Variants in ZFYVE27 observed in about 807,000 individuals in gnomAD.
ZFYVE27 encodes zinc finger FYVE-type containing 27.
In ZFYVE27, 36 loss-of-function variants were observed where a neutral mutation model predicts 52.8. The observed-to-expected ratio is 0.68, with a 90% CI of 0.52 to 0.90. The LOEUF (loss-of-function observed/expected upper bound fraction) is 0.90, where lower values mean the gene tolerates loss of function less well. Ranked by LOEUF, ZFYVE27 falls within the 40% of genes least tolerant of loss-of-function variation. ZFYVE27 has a pLI of 0.00. For synonymous variants in ZFYVE27, 223 were observed against 215.6 expected, an observed-to-expected ratio of 1.03 and a Z score of -0.30; for missense variants, 450 against 527.2, an observed-to-expected ratio of 0.85 and a Z score of 1.43.
rs757784115 is a variant in ZFYVE27, at chr10:97,743,166, T to C, written c.268+2T>C. On this transcript the variant is annotated splice_donor_variant, in intron 3 of 12. Coordinates refer to ENST00000684270, the MANE Select transcript of ZFYVE27 (RefSeq NM_001385875.1). LOFTEE classifies it high-confidence loss of function. The stretch of plus-strand genomic sequence containing the variant: ...TCTTGTTCCTCACTTTGAATGAGGG[T>C]AAGAACTGCCTTCAGGGGCCAGTGG... The C allele has an allele frequency of 6.2e-7, 1 of 1,614,180 alleles. No homozygotes were observed. The highest frequency in any genetic ancestry group is 8.5e-7 in the Non-Finnish European group (1 of 1,180,020).
In ZFYVE27 at chr10:97,748,381, C is replaced by T; in HGVS notation, c.551+17C>T. On this transcript the variant is annotated intron_variant, in intron 5 of 12. Coordinates refer to ENST00000684270, the MANE Select transcript of ZFYVE27 (RefSeq NM_001385875.1). ...GTCCTCACAGTGAGTGACCCCTCCTCTCCCGCCACCACCCTATAGGAATTT... is the reference window on the plus strand; with the variant it reads ...GTCCTCACAGTGAGTGACCCCTCCTTTCCCGCCACCACCCTATAGGAATTT... The T allele has an allele frequency of 1.9e-6, 3 of 1,612,150 alleles. No individual in the cohort carries two copies. Among genetic ancestry groups the T allele is most frequent in the Admixed American group, 3.3e-5 (2 of 59,744 alleles).
At chr10:97,752,046 C>T (rs2047128474) in intron 8 of ZFYVE27, among the ~76,000 whole-genome samples, 1 of 152,180 alleles carries the variant, frequency 6.6e-6, no homozygotes, top group South Asian at 2.1e-4. Flanking sequence ...TTTCCAGTTT[C>T]TCTGGTAGTC....
chr10:97,753,198 A>T lies in ZFYVE27; in HGVS notation c.1042+16A>T. ...AACAACTTCGGTGCGGCCAGGGGACAGGGCTGGGCTGGTGGGGGAGTGGGG... is the reference window on the plus strand; with the variant it reads ...AACAACTTCGGTGCGGCCAGGGGACTGGGCTGGGCTGGTGGGGGAGTGGGG... On this transcript the variant is annotated intron_variant, in intron 10 of 12. Coordinates refer to ENST00000684270, the MANE Select transcript of ZFYVE27 (RefSeq NM_001385875.1). The T allele has an allele frequency of 2.5e-6, 4 of 1,604,724 alleles. No individual in the cohort carries two copies. The highest frequency in any genetic ancestry group is 3.4e-6 in the Non-Finnish European group (4 of 1,176,334).
At chr10:97,749,059 T>C (rs921581415) in intron 5 of ZFYVE27, among the ~76,000 whole-genome samples, 3 of 152,182 alleles carry the variant, frequency 2.0e-5, no homozygotes, top group Non-Finnish European at 4.4e-5. Context: ...CTCACTCTTA[T>C]AGTAACTCTA....
In ZFYVE27 at chr10:97,757,280, G is replaced by C; in HGVS notation, c.1058G>C (p.Cys353Ser). The C allele has an allele frequency of 6.2e-7, 1 of 1,614,174 alleles. No individual in the cohort carries two copies. The highest frequency in any genetic ancestry group is 8.5e-7 in the Non-Finnish European group (1 of 1,180,026). The change falls in exon 11 of 13, where the codon TGC (cysteine) becomes TCC (serine). Residue 353 changes from cysteine (C) to serine (S), a missense_variant. Coordinates refer to ENST00000684270, the MANE Select transcript of ZFYVE27 (RefSeq NM_001385875.1). ...PTNNFGNCTG[C>S]SATFSVLKKR... ...TGTTTCTCAGGGAACTGCACGGGCT[G>C]CTCGGCCACCTTCTCAGTGCTGAAG... is the stretch of plus-strand genomic sequence containing the variant.
chr10:97,755,247 G>A (rs527250657), intron 10 of ZFYVE27, among the ~76,000 whole-genome samples: 1 of 152,228 alleles, frequency 6.6e-6, no homozygotes, highest in African/African-American at 2.4e-5. Flanking sequence ...TGCCATGAGG[G>A]CAGGTGTAGC....
chr10:97,749,446 G>A lies in ZFYVE27; in HGVS notation c.552-28G>A, dbSNP rs375823317. ...TCTCCTTCTGCTGTTACGAATTTCT[G>A]ATCTTGTGGTTCTTCCCTGTCATCC... On this transcript the variant is annotated intron_variant, in intron 5 of 12. Transcript: ENST00000684270. 11 of 1,581,266 alleles carry A rather than the reference G, an allele frequency of 7.0e-6. No individual in the cohort carries two copies. In the South Asian group the frequency reaches 8.8e-5, roughly 13 times the overall value.
Position 97,750,578 on chromosome 10 carries a change from C to T in ZFYVE27, c.804+108C>T, listed in dbSNP as rs1022539863. 41 of 1,456,912 alleles carry T rather than the reference C, an allele frequency of 2.8e-5. No homozygotes were observed. The East Asian group carries it at 5.5e-4, about 20-fold the overall frequency. 90.2% of individuals were successfully genotyped at this position (1,456,912 alleles called of 1,614,324 possible). A position where few individuals can be genotyped will look rare whatever the true frequency, so the allele number is the denominator to read the frequency against. On this transcript the variant is annotated intron_variant, in intron 7 of 12. Transcript: ENST00000684270. ...GCCTCTGTTGTAGTTCCTGCTATTT[C>T]CCAGGCCTTAACTCCCCTGAAGTGT...
Position 97,760,817 on chromosome 10 carries a change from G to A in ZFYVE27, c.*1517G>A, listed in dbSNP as rs41290466. On this transcript the variant is annotated 3_prime_UTR_variant, in exon 13 of 13. Coordinates refer to ENST00000684270, the MANE Select transcript of ZFYVE27 (RefSeq NM_001385875.1). ...TTAAGAGAGGAGAGTTCAGTACCCC[G>A]TGCTTTCTTTACACTGGAGAGGAAC... The A allele has an allele frequency of 6.6e-6, 1 of 152,244 alleles. No homozygotes were observed. The highest frequency in any genetic ancestry group is 2.1e-4 in the South Asian group (1 of 4,830). 9.4% of individuals were successfully genotyped at this position (152,244 alleles called of 1,614,324 possible).
Position 97,746,047 on chromosome 10 carries a change from ATATATTTTT to A in ZFYVE27, c.455+1134_455+1142del, listed in dbSNP as rs1190901776. ...TATACACATATATATATATATATATATATATTTTTTTTTTTTTTTGAGACAGAGTCTTGT... is the reference window on the plus strand; with the variant it reads ...TATACACATATATATATATATATATATTTTTTTTTTGAGACAGAGTCTTGT... On this transcript the variant is annotated intron_variant, in intron 4 of 12. Coordinates refer to ENST00000684270, the MANE Select transcript of ZFYVE27 (RefSeq NM_001385875.1). Among the ~76,000 whole-genome samples, 112 of 66,540 alleles carry A rather than the reference ATATATTTTT, an allele frequency of 1.7e-3. 1 individual carries two copies. The highest frequency in any genetic ancestry group is 5.3e-3 in the African/African-American group (108 of 20,348). 43.7% of individuals were successfully genotyped at this position (66,540 alleles called of 152,430 possible).
chr10:97,739,805 C>A (rs1014065610), intron 2 of ZFYVE27, among the ~76,000 whole-genome samples: 2 of 151,790 alleles, frequency 1.3e-5, no homozygotes, highest in Admixed American at 6.6e-5. Context: ...AATTTACTAC[C>A]GAGATTTGTC....
At chr10:97,751,822 C>T (rs1010159578) in intron 8 of ZFYVE27, among the ~76,000 whole-genome samples, 4 of 152,098 alleles carry the variant, frequency 2.6e-5, no homozygotes, top group African/African-American at 7.2e-5. Flanking sequence ...GAGTGAGTTC[C>T]GTAAGATGTC....
chr10:97,750,214 A>T (rs2046565281), intron 6 of ZFYVE27, 117 bp from the exon 7 acceptor site: 4 of 1,336,976 alleles, frequency 3.0e-6, no homozygotes, highest in Non-Finnish European at 4.2e-6. Context: ...TAGGAGGGTG[A>T]CTCTTTCCTG....
chr10:97,760,583 C>T lies in ZFYVE27; in HGVS notation c.*1283C>T, dbSNP rs886047531. On this transcript the variant is annotated 3_prime_UTR_variant, in exon 13 of 13. Coordinates refer to ENST00000684270, the MANE Select transcript of ZFYVE27 (RefSeq NM_001385875.1). ...CATGGGCTGCCTGGGACCCAGGACCCATGAGGGGGCTGAGAGGTTTCTACA... is the reference window on the plus strand; with the variant it reads ...CATGGGCTGCCTGGGACCCAGGACCTATGAGGGGGCTGAGAGGTTTCTACA... 2 of 152,244 alleles carry T rather than the reference C, an allele frequency of 1.3e-5. No homozygotes were observed. The highest frequency in any genetic ancestry group is 6.5e-5 in the Admixed American group (1 of 15,276). 9.4% of individuals were successfully genotyped at this position (152,244 alleles called of 1,614,324 possible).
chr10:97,749,424 CCTT>C (rs1227111736), intron 5 of ZFYVE27, 47 bp from the exon 6 acceptor site: 6 of 1,452,994 alleles, frequency 4.1e-6, no homozygotes, highest in Middle Eastern at 1.7e-4. Context: ...AAACCCGTCT[CCTT>C]CTGCTGTTAC....
Position 97,759,630 on chromosome 10 carries a change from G to A in ZFYVE27, c.*330G>A. 2.4e-6 allele frequency: 1 copy of A among 420,790 alleles called. No homozygotes were observed. The highest frequency in any genetic ancestry group is 4.5e-6 in the Non-Finnish European group (1 of 223,228). The allele number at this position is 420,790 out of a possible 1,614,324, so 26.1% of individuals were successfully genotyped here. Reference sequence around the variant, plus strand: ...AGAGGGCAGCAGCGAACTAGGCCAGGCCTGACTGGGGTCTGAAGATCAGGG... The same window carrying A: ...AGAGGGCAGCAGCGAACTAGGCCAGACCTGACTGGGGTCTGAAGATCAGGG... On this transcript the variant is annotated 3_prime_UTR_variant, in exon 13 of 13. Transcript: ENST00000684270.
chr10:97,742,382 T>G (rs1293021649), intron 2 of ZFYVE27, among the ~76,000 whole-genome samples: 2 of 152,166 alleles, frequency 1.3e-5, no homozygotes, highest in African/African-American at 4.8e-5. Flanking sequence ...GTTCCCTGTT[T>G]GGGGGCTTCT....
chr10:97,757,180 A>C, intron 10 of ZFYVE27, 85 bp from the exon 11 acceptor site: 1 of 1,596,906 alleles, frequency 6.3e-7, no homozygotes, highest in Non-Finnish European at 8.6e-7. Context: ...TGGTGTCCTG[A>C]GTGTCCCATT....
intron 8 of ZFYVE27, among the ~76,000 whole-genome samples, chr10:97,752,104 C>T (rs975811704): frequency 2.6e-5 from 4 of 152,196 alleles, no homozygotes; most frequent in Admixed American, 1.3e-4. Context: ...GTCCCCTTTA[C>T]GCAGGTCACA....
Sources: allele counts gnomAD v4.1 joint callset (sites outside exome capture counted in the v4.1 genomes callset), GRCh38; gene constraint gnomAD v4.1.1; transcripts MANE v1.5; gene names NCBI Gene and HGNC (gene_info 2026-07-23, HGNC 2026-07-21).